EPHA6: variants seen among roughly 807,000 people sequenced by gnomAD.
EPHA6 encodes the protein ephrin type-A receptor 6.
A neutral mutation model predicts 112.0 loss-of-function variants in EPHA6; 50 were observed. The observed-to-expected ratio is 0.45, with a 90% CI of 0.36 to 0.56. The LOEUF (loss-of-function observed/expected upper bound fraction) is 0.56, where lower values mean the gene tolerates loss of function less well. EPHA6 is among the 20% of genes least tolerant of loss of function. The pLI, the probability that EPHA6 is intolerant of heterozygous loss-of-function variation, is 0.00. For missense variants in EPHA6, 1,280 were observed against 1,417.4 expected (o/e 0.90, Z 1.56); for synonymous variants, 529 against 490.7 (o/e 1.08, Z -1.03).
At chr3:97,167,526 A>C (rs1253906238) in intron 3 of EPHA6, among the ~76,000 whole-genome samples, 1 of 152,156 alleles carries the variant, frequency 6.6e-6, no homozygotes, top group Non-Finnish European at 1.5e-5. Context: ...AAATAATCCC[A>C]ATCTAAGTTA....
At chr3:97,057,348 G>A (rs2045883560) in intron 3 of EPHA6, among the ~76,000 whole-genome samples, 1 of 152,198 alleles carries the variant, frequency 6.6e-6, no homozygotes, top group Non-Finnish European at 1.5e-5. Context: ...TACTCATGTA[G>A]CTGCATACAG....
intron 2 of EPHA6, among the ~76,000 whole-genome samples, chr3:96,941,975 G>T (rs1204995457): frequency 2.0e-5 from 3 of 152,204 alleles, no homozygotes; most frequent in African/African-American, 4.8e-5. Flanking sequence ...TGCTCTGGAA[G>T]TTTTGTCTCA....
intron 1 of EPHA6, among the ~76,000 whole-genome samples, chr3:96,831,811 A>G (rs2034101085): frequency 6.6e-6 from 1 of 152,126 alleles, no homozygotes; most frequent in Non-Finnish European, 1.5e-5. Context: ...GATAGTCCAC[A>G]GAATTGAAGA....
chr3:97,129,457 G>A (rs759631130), intron 3 of EPHA6, among the ~76,000 whole-genome samples: 3 of 151,538 alleles, frequency 2.0e-5, no homozygotes, highest in African/African-American at 7.3e-5. Flanking sequence ...AGCCGAGATC[G>A]TGCCACTGCT....
chr3:97,283,609 G>A (rs1000524996), intron 5 of EPHA6, among the ~76,000 whole-genome samples: 2 of 151,954 alleles, frequency 1.3e-5, no homozygotes, highest in Non-Finnish European at 2.9e-5. Context: ...CTTTCAGGGG[G>A]GTGAGGGGCA....
chr3:97,299,686 C>T (rs1205789577), intron 5 of EPHA6, among the ~76,000 whole-genome samples: 1 of 152,108 alleles, frequency 6.6e-6, no homozygotes, highest in African/African-American at 2.4e-5. Flanking sequence ...GATTTTGCTA[C>T]AAAATTATGC....
chr3:96,994,732 T>TATATATATATATATATAGAGAGAGAGAG, intron 3 of EPHA6, among the ~76,000 whole-genome samples: 1 of 82,204 alleles, frequency 1.2e-5, no homozygotes, highest in African/African-American at 6.4e-5. Context: ...TATATATATA[T>TATATATATATATATATAGAGAGAGAGAG]AGAGAGAGAG....
At chr3:97,088,990 A>T (rs1237269410) in intron 3 of EPHA6, among the ~76,000 whole-genome samples, 2 of 152,128 alleles carry the variant, frequency 1.3e-5, no homozygotes, top group African/African-American at 4.8e-5. Context: ...TTAAGGCACT[A>T]AATAGAAACT....
At chr3:97,264,926 A>C (rs1027339827) in intron 5 of EPHA6, among the ~76,000 whole-genome samples, 1 of 152,174 alleles carries the variant, frequency 6.6e-6, no homozygotes, top group Non-Finnish European at 1.5e-5. Flanking sequence ...AAGAGTGTTC[A>C]GGTCTCAGCA....
At chr3:97,256,245 G>T (rs890927541) in intron 5 of EPHA6, among the ~76,000 whole-genome samples, 3 of 151,356 alleles carry the variant, frequency 2.0e-5, no homozygotes, top group African/African-American at 7.3e-5. Flanking sequence ...TTCCCTTTCT[G>T]GTGTCTCACA....
At chr3:97,059,765 T>C (rs1237373563) in intron 3 of EPHA6, among the ~76,000 whole-genome samples, 2 of 151,276 alleles carry the variant, frequency 1.3e-5, no homozygotes, top group Admixed American at 1.3e-4. Flanking sequence ...TAAATAAATA[T>C]TCATAATTAT....
At chr3:97,711,924 G>A (rs2033987801) in intron 14 of EPHA6, among the ~76,000 whole-genome samples, 1 of 152,102 alleles carries the variant, frequency 6.6e-6, no homozygotes, top group African/African-American at 2.4e-5. Context: ...TATTCTCACA[G>A]TGCAACCTGA....
At chr3:97,007,322 T>C (rs2043917999) in intron 3 of EPHA6, among the ~76,000 whole-genome samples, 1 of 152,190 alleles carries the variant, frequency 6.6e-6, no homozygotes, top group South Asian at 2.1e-4. Flanking sequence ...AATAGTTAGC[T>C]CTTCTTGTTG....
chr3:97,646,025 T>A (rs1008938415), intron 14 of EPHA6: 2 of 887,282 alleles, frequency 2.3e-6, no homozygotes. Flanking sequence ...GAAAAAAATA[T>A]CTTTAGAACA....
At chr3:97,310,890 C>A (rs536055827) in intron 5 of EPHA6, among the ~76,000 whole-genome samples, 13 of 151,784 alleles carry the variant, frequency 8.6e-5, no homozygotes, top group African/African-American at 3.1e-4. Context: ...ATGAAGATTA[C>A]AAAAATCCAT....
At chr3:97,184,231 T>C (rs918114058) in intron 3 of EPHA6, among the ~76,000 whole-genome samples, 6 of 152,130 alleles carry the variant, frequency 3.9e-5, no homozygotes, top group Admixed American at 3.3e-4. Context: ...AAGATTTTCC[T>C]TGAGTCTTAC....
intron 3 of EPHA6, among the ~76,000 whole-genome samples, chr3:97,166,418 G>T (rs1243204775): frequency 6.6e-6 from 1 of 151,290 alleles, no homozygotes; most frequent in East Asian, 2.0e-4. Context: ...TATGATGTTG[G>T]GGGGTGGGGA....
chr3:96,997,927 C>G (rs1459809863), intron 3 of EPHA6, among the ~76,000 whole-genome samples: 1 of 151,930 alleles, frequency 6.6e-6, no homozygotes, highest in African/African-American at 2.4e-5. Flanking sequence ...TTCAGTAAAG[C>G]AAGACATGCT....
chr3:97,341,496 A>G (rs1157104494), intron 5 of EPHA6, among the ~76,000 whole-genome samples: 1 of 151,958 alleles, frequency 6.6e-6, no homozygotes, highest in Non-Finnish European at 1.5e-5. Context: ...CTGGGATTAC[A>G]GGTGCCCGCC....
Sources: gnomAD v4.1 joint callset for allele counts (sites outside exome capture counted in the v4.1 genomes callset) on GRCh38, gnomAD v4.1.1 for gene constraint, MANE v1.5 for transcripts, NCBI Gene and HGNC (gene_info 2026-07-23, HGNC 2026-07-21) for gene names.